The following SCLT1 variants were observed in gnomAD, a reference collection of about 807,000 sequenced individuals.
The protein encoded by SCLT1 is sodium channel-associated protein 1.
SCLT1 carries 78 observed loss-of-function variants against 112.8 expected under a neutral mutation model. That is an observed-to-expected ratio of 0.69 (90% CI 0.58 to 0.83). The LOEUF (loss-of-function observed/expected upper bound fraction) is 0.83, where lower values mean the gene tolerates loss of function less well. SCLT1 is among the 40% of genes least tolerant of loss of function. The pLI, the probability that SCLT1 is intolerant of heterozygous loss-of-function variation, is 0.00. For synonymous variants in SCLT1, 257 were observed against 254.7 expected (o/e 1.01, Z -0.09); for missense variants, 747 against 770.4 (o/e 0.97, Z 0.36).
intron 4 of SCLT1, chr4:128,874,967 A>C (rs1056329866): frequency 1.3e-5 from 2 of 152,270 alleles, no homozygotes; most frequent in Non-Finnish European, 2.9e-5. Context: ...AGGATTTTTC[A>C]CTATGTGCCT....
chr4:128,878,719 CATT>C (rs1344833982), intron 3 of SCLT1, among the ~76,000 whole-genome samples: 1 of 152,116 alleles, frequency 6.6e-6, no homozygotes, highest in Non-Finnish European at 1.5e-5. Flanking sequence ...TGTCATCACT[CATT>C]GAAGAAATCT....
chr4:129,072,836 C>G (rs1751139961), intron 2 of SCLT1, among the ~76,000 whole-genome samples: 1 of 151,894 alleles, frequency 6.6e-6, no homozygotes, highest in Non-Finnish European at 1.5e-5. Context: ...TGGAGCCATT[C>G]CTGGTGAACT....
At chr4:129,062,248 T>C (rs1750054502) in intron 2 of SCLT1, among the ~76,000 whole-genome samples, 1 of 152,124 alleles carries the variant, frequency 6.6e-6, no homozygotes, top group Non-Finnish European at 1.5e-5. Context: ...CTGTGCCCAC[T>C]TGGGTTTCTG....
chr4:128,976,218 C>G (rs959784436), intron 9 of SCLT1, among the ~76,000 whole-genome samples: 1 of 152,150 alleles, frequency 6.6e-6, no homozygotes, highest in Non-Finnish European at 1.5e-5. Context: ...CAATCTGAGA[C>G]TTACTCATTC....
chr4:129,000,282 A>G (rs553360601), intron 6 of SCLT1, among the ~76,000 whole-genome samples: 3 of 152,138 alleles, frequency 2.0e-5, no homozygotes, highest in African/African-American at 7.2e-5. Flanking sequence ...TAGATAAATC[A>G]TCTTTTTAAA....
At chr4:128,881,657 C>A (rs1309494519), downstream of SCLT1, among the ~76,000 whole-genome samples, 2 of 152,138 alleles carry the variant, frequency 1.3e-5, no homozygotes, top group Non-Finnish European at 2.9e-5. Flanking sequence ...AGATCTATAT[C>A]ATTTCTTACC....
chr4:129,052,755 T>G (rs947665833), intron 2 of SCLT1, among the ~76,000 whole-genome samples: 1 of 152,152 alleles, frequency 6.6e-6, no homozygotes, highest in African/African-American at 2.4e-5. Context: ...CTTAGTTATT[T>G]CTTGTCTTCT....
At chr4:129,068,929 C>T (rs1750736876) in intron 2 of SCLT1, among the ~76,000 whole-genome samples, 2 of 152,164 alleles carry the variant, frequency 1.3e-5, no homozygotes. Flanking sequence ...AGTCCTTAAT[C>T]CATCTTGAGT....
intron 5 of SCLT1, among the ~76,000 whole-genome samples, chr4:129,013,716 TTCTC>T (rs752769895): frequency 4.6e-5 from 7 of 152,162 alleles, no homozygotes; most frequent in Non-Finnish European, 7.3e-5. Flanking sequence ...GACCTCATCT[TTCTC>T]TCTAAGATGT....
chr4:129,024,335 C>T (rs1324927842), intron 5 of SCLT1, among the ~76,000 whole-genome samples: 1 of 152,190 alleles, frequency 6.6e-6, no homozygotes, highest in East Asian at 1.9e-4. Flanking sequence ...TGGCCGGGTA[C>T]TCCTCTGAGA....
chr4:128,901,701 C>G (rs1050633800), intron 18 of SCLT1, among the ~76,000 whole-genome samples: 17 of 151,750 alleles, frequency 1.1e-4, no homozygotes, highest in African/African-American at 3.4e-4. Flanking sequence ...AAGACTGCAC[C>G]CTTGTCCCCC....
At chr4:128,945,124 C>A (rs943680373) in intron 16 of SCLT1, among the ~76,000 whole-genome samples, 7 of 152,144 alleles carry the variant, frequency 4.6e-5, no homozygotes, top group African/African-American at 1.7e-4. Flanking sequence ...ACTTCGATAT[C>A]TCCTTTTACT....
At chr4:129,001,991 C>A (rs960232448) in intron 6 of SCLT1, among the ~76,000 whole-genome samples, 2 of 151,928 alleles carry the variant, frequency 1.3e-5, no homozygotes, top group East Asian at 3.9e-4. Context: ...TTTAAAAATT[C>A]TTTCCATTCA....
intron 18 of SCLT1, among the ~76,000 whole-genome samples, chr4:128,924,751 G>A (rs1044862197): frequency 2.0e-5 from 3 of 152,068 alleles, no homozygotes; most frequent in African/African-American, 4.8e-5. Context: ...ATGTAATGGC[G>A]TGGCACGTAA....
At chr4:128,927,720 GAAGT>G (rs1389314948) in intron 18 of SCLT1, among the ~76,000 whole-genome samples, 2 of 151,492 alleles carry the variant, frequency 1.3e-5, no homozygotes, top group African/African-American at 4.9e-5. Context: ...TCTATTTCAA[GAAGT>G]AAGAAAAAAG....
chr4:129,046,410 T>C (rs990539956), intron 2 of SCLT1, among the ~76,000 whole-genome samples: 1 of 152,100 alleles, frequency 6.6e-6, no homozygotes, highest in Admixed American at 6.6e-5. Flanking sequence ...TTAAAAACAT[T>C]ATAAAAATAT....
intron 5 of SCLT1, among the ~76,000 whole-genome samples, chr4:129,008,319 G>A (rs995288722): frequency 1.3e-5 from 2 of 152,084 alleles, no homozygotes; most frequent in African/African-American, 4.8e-5. Flanking sequence ...GACAGTTTTG[G>A]TTTCTTTTCT....
rs1183868545 is a variant in SCLT1 at position 129,058,917 on chromosome 4, A to G, written c.103-14866T>C. On this transcript the variant is annotated intron_variant, in intron 2 of 20. Transcript: ENST00000281142. ...CCTTTATCTTCCTTTACATATTTAT[A>G]TGCTCTGGTGTTGGGTGTATATATA... is the stretch of plus-strand genomic sequence containing the variant. 5.3e-5 allele frequency among the ~76,000 whole-genome samples: 8 copies of G among 152,042 alleles called. No individual in the cohort carries two copies. In the East Asian group the frequency reaches 1.3e-3, roughly 26 times the overall value.
chr4:128,960,999 T>A (rs1306607858), intron 11 of SCLT1, among the ~76,000 whole-genome samples: 1 of 12,028 alleles, frequency 8.3e-5, no homozygotes, highest in African/African-American at 4.9e-3. Flanking sequence ...ATGCTGCAAA[T>A]TTTTTTTTTT....
Sources: allele counts gnomAD v4.1 joint callset (sites outside exome capture counted in the v4.1 genomes callset), GRCh38; gene constraint gnomAD v4.1.1; transcripts MANE v1.5; gene names NCBI Gene and HGNC (gene_info 2026-07-23, HGNC 2026-07-21).